The following TMEM132B variants were observed in gnomAD, a reference collection of about 807,000 sequenced individuals.
TMEM132B encodes the protein transmembrane protein 132B.
Under a neutral mutation model 90.8 loss-of-function variants are expected in TMEM132B, and 18 were observed. The observed-to-expected ratio is 0.20, with a 90% CI of 0.14 to 0.29. The LOEUF (loss-of-function observed/expected upper bound fraction) is 0.29. TMEM132B is among the 10% of genes least tolerant of loss of function. The probability of loss-of-function intolerance (pLI) is 1.00; values close to 1 mark genes in which losing one functional copy is unlikely to be tolerated. For synonymous variants in TMEM132B, 504 were observed against 523.3 expected (o/e 0.96, Z 0.50); for missense variants, 1,096 against 1,326.8 (o/e 0.83, Z 2.70).
chr12:125,283,868 G>A (rs10846858), intron 1 of TMEM132B, among the ~76,000 whole-genome samples: 127,391 of 152,232 alleles, frequency 0.84, 53,584 homozygotes, highest in African/African-American at 0.93. Context: ...TAGATTTCCA[G>A]GACAGACTTT....
chr12:125,601,023 C>T (rs1885557267), intron 5 of TMEM132B, among the ~76,000 whole-genome samples: 2 of 152,140 alleles, frequency 1.3e-5, no homozygotes, highest in Admixed American at 1.3e-4. Context: ...TAGTGGGAGA[C>T]TTTAACACCC....
chr12:125,412,707 G>A (rs572250777), intron 2 of TMEM132B, among the ~76,000 whole-genome samples: 2 of 152,258 alleles, frequency 1.3e-5, no homozygotes, highest in East Asian at 1.9e-4. Context: ...GGAAGGAGGC[G>A]GTGTGTGGAC....
At chr12:125,382,902 T>C (rs1235370842) in intron 2 of TMEM132B, among the ~76,000 whole-genome samples, 1 of 152,206 alleles carries the variant, frequency 6.6e-6, no homozygotes, top group South Asian at 2.1e-4. Context: ...TTGCTGGTGG[T>C]GGAGACATAG....
chr12:125,329,448 GCA>G (rs539867179), intron 1 of TMEM132B, among the ~76,000 whole-genome samples: 38 of 152,314 alleles, frequency 2.5e-4, no homozygotes, highest in African/African-American at 8.7e-4. Context: ...CACTCACCAG[GCA>G]GCCCAGCCAG....
intron 4 of TMEM132B, among the ~76,000 whole-genome samples, chr12:125,555,865 G>A (rs540325098): frequency 1.3e-5 from 2 of 152,248 alleles, no homozygotes; most frequent in East Asian, 1.9e-4. Flanking sequence ...TTGAAAATAC[G>A]TACGTGTATT....
chr12:125,345,671 T>C (rs762740913), intron 1 of TMEM132B, among the ~76,000 whole-genome samples: 12 of 152,168 alleles, frequency 7.9e-5, no homozygotes, highest in Non-Finnish European at 1.5e-4. Context: ...TGGTGCACCT[T>C]GTGTTCTCTC....
chr12:125,483,059 C>G (rs1303303950), intron 3 of TMEM132B, among the ~76,000 whole-genome samples: 1 of 145,244 alleles, frequency 6.9e-6, no homozygotes, highest in Non-Finnish European at 1.5e-5. Flanking sequence ...AACACTTGGA[C>G]ACAGGGCGGG....
intron 5 of TMEM132B, among the ~76,000 whole-genome samples, chr12:125,629,238 G>A (rs906112440): frequency 1.3e-5 from 2 of 151,940 alleles, no homozygotes; most frequent in African/African-American, 4.8e-5. Flanking sequence ...ATTGCTTTGG[G>A]TAGTATGCAC....
intron 4 of TMEM132B, among the ~76,000 whole-genome samples, chr12:125,553,995 A>C (rs1475174185): frequency 6.6e-6 from 1 of 152,260 alleles, no homozygotes; most frequent in Non-Finnish European, 1.5e-5. Context: ...AGAACATTAC[A>C]AACTCTCTTC....
At chr12:125,320,707 A>G (rs1876405652) in intron 1 of TMEM132B, among the ~76,000 whole-genome samples, 2 of 152,340 alleles carry the variant, frequency 1.3e-5, no homozygotes, top group South Asian at 2.1e-4. Flanking sequence ...TAAATGAATC[A>G]TGAGTCTGCT....
At chr12:125,368,727 G>A (rs539436486) in intron 2 of TMEM132B, among the ~76,000 whole-genome samples, 24 of 152,296 alleles carry the variant, frequency 1.6e-4, no homozygotes, top group Middle Eastern at 3.4e-3. Context: ...ACCCTGCCAG[G>A]AATTTAGCTC....
At chr12:125,599,137 A>G (rs943384826) in intron 5 of TMEM132B, among the ~76,000 whole-genome samples, 1 of 152,182 alleles carries the variant, frequency 6.6e-6, no homozygotes, top group Non-Finnish European at 1.5e-5. Flanking sequence ...AGTGGGAGGT[A>G]ACTGAATCAG....
Position 125,277,486 on chromosome 12 carries a change from A to G in TMEM132B, c.68-71966A>G, listed in dbSNP as rs1448864491. On this transcript the variant is annotated intron_variant, in intron 1 of 8. Coordinates refer to ENST00000682704, the MANE Select transcript of TMEM132B (RefSeq NM_001366854.1). The surrounding 1 kb of genome is among the most constrained non-coding windows in gnomAD (Gnocchi z 4.3). ...AGAGCAAGACTCTGTCTCAAAAAAA[A>G]AAGATGAAGAGGGAGAACACACACA... Among the ~76,000 whole-genome samples, 1 of 127,780 alleles carries G rather than the reference A, an allele frequency of 7.8e-6. No individual in the cohort carries two copies. The highest frequency in any genetic ancestry group is 1.7e-5 in the Non-Finnish European group (1 of 59,134). 83.8% of individuals were successfully genotyped at this position (127,780 alleles called of 152,430 possible).
intron 4 of TMEM132B, among the ~76,000 whole-genome samples, chr12:125,567,465 G>A (rs966205404): frequency 2.0e-5 from 3 of 151,266 alleles, no homozygotes; most frequent in Non-Finnish European, 2.9e-5. Flanking sequence ...TTCCCTCCCC[G>A]CTTCATCCAT....
chr12:125,417,571 T>C (rs541978379), intron 3 of TMEM132B, among the ~76,000 whole-genome samples: 1 of 152,302 alleles, frequency 6.6e-6, no homozygotes, highest in Admixed American at 6.5e-5. Flanking sequence ...GACTCACTCT[T>C]GGTTGCTGAG....
intron 1 of TMEM132B, among the ~76,000 whole-genome samples, chr12:125,189,071 A>G (rs1198839186): frequency 6.6e-6 from 1 of 151,980 alleles, no homozygotes; most frequent in Non-Finnish European, 1.5e-5. Context: ...ACTGTCTCCC[A>G]TCACACACAC....
At chr12:125,259,209 A>T (rs529376542) in intron 1 of TMEM132B, among the ~76,000 whole-genome samples, 2 of 152,286 alleles carry the variant, frequency 1.3e-5, no homozygotes, top group African/African-American at 4.8e-5. Context: ...CTACTTCTTG[A>T]TGCTTTGTCT....
Position 125,653,956 on chromosome 12 carries a change from T to A in TMEM132B, c.2498T>A (p.Val833Asp). The A allele has an allele frequency of 1.2e-6, 2 of 1,614,090 alleles. No homozygotes were observed. The change falls in exon 9 of 9, where the codon GTC (valine) becomes GAC (aspartate). Residue 833 changes from valine (V) to aspartate (D), a missense_variant. Physicochemically the swap from Val to Asp is radical, Grantham distance 152. Coordinates refer to ENST00000682704, the MANE Select transcript of TMEM132B (RefSeq NM_001366854.1). Reference sequence around the variant, plus strand: ...CGCGAAGGAAACCAGGAGAGAGCAGTCCAGGAATGGTTCCACCGTGGCACA... The same window carrying A: ...CGCGAAGGAAACCAGGAGAGAGCAGACCAGGAATGGTTCCACCGTGGCACA... ...IEREGNQERA[V>D]QEWFHRGTPV...
Position 125,202,336 on chromosome 12 carries a change from TGTGG to T in TMEM132B, c.67+15472_67+15475del, listed in dbSNP as rs1873081027. On this transcript the variant is annotated intron_variant, in intron 1 of 8. Transcript: ENST00000682704. Reference sequence around the variant, plus strand: ...CACACATGTGTTATCTCACAGTTCCTGTGGGCCAGGAATCCAGGGACAGCCCCAG... The same window carrying T: ...CACACATGTGTTATCTCACAGTTCCTGCCAGGAATCCAGGGACAGCCCCAG... Among the ~76,000 whole-genome samples, 2 of 152,254 alleles carry T rather than the reference TGTGG, an allele frequency of 1.3e-5. 1 individual carries two copies. The highest frequency in any genetic ancestry group is 4.1e-4 in the South Asian group (2 of 4,836).
Sources: gnomAD v4.1 joint callset for allele counts (sites outside exome capture counted in the v4.1 genomes callset) on GRCh38, gnomAD v4.1.1 for gene constraint, Gnocchi (gnomAD v3.1) non-coding constraint, MANE v1.5 for transcripts, NCBI Gene and HGNC (gene_info 2026-07-23, HGNC 2026-07-21) for gene names.